The following TNS4 variants were observed in gnomAD, a reference collection of about 807,000 sequenced individuals.
The protein encoded by TNS4 is tensin 4, also known as tensin-4.
In TNS4, 46 loss-of-function variants were observed where a neutral mutation model predicts 70.4. The observed-to-expected ratio is 0.65, with a 90% CI of 0.52 to 0.84. The LOEUF (loss-of-function observed/expected upper bound fraction) is 0.84. Ranked by LOEUF, TNS4 falls within the 40% of genes least tolerant of loss-of-function variation. The pLI, the probability that TNS4 is intolerant of heterozygous loss-of-function variation, is 0.00. For synonymous variants in TNS4, 390 were observed against 366.6 expected (o/e 1.06, Z -0.73); for missense variants, 863 against 907.0 (o/e 0.95, Z 0.62).
chr17:40,486,127 C>T (rs2035986903), intron 4 of TNS4, among the ~76,000 whole-genome samples: 1 of 152,186 alleles, frequency 6.6e-6, no homozygotes, highest in African/African-American at 2.4e-5. Flanking sequence ...CCACAGGGTG[C>T]TAGAGCTTAG....
Position 40,478,260 on chromosome 17 carries a change from T to C in TNS4, c.2006+47A>G, listed in dbSNP as rs377423014. On this transcript the variant is annotated intron_variant, in intron 12 of 12. Coordinates refer to ENST00000254051, the MANE Select transcript of TNS4 (RefSeq NM_032865.6). ...GAATGGTGCCTCTTTCCTTCTGCAGTTCCCTCCCCATGTTGGGTTTGGGGC... is the reference window on the plus strand; with the variant it reads ...GAATGGTGCCTCTTTCCTTCTGCAGCTCCCTCCCCATGTTGGGTTTGGGGC... 5 of 1,612,044 alleles carry C rather than the reference T, an allele frequency of 3.1e-6. No homozygotes were observed. The African/African-American group carries it at 6.7e-5, about 22-fold the overall frequency.
At position 40,488,821 on chromosome 17, in the gene TNS4, G is replaced by C. The variant is rs760681879; in HGVS notation, c.588C>G (p.Ser196Arg). ...CAGAGAAGATGAGGCTCTCACTGCT[G>C]CTTCGTGTCTCTCGGGGGACGTCTC... ...LSRDVPRETR[S>R]SSESLIFSGN... The change falls in exon 3 of 13, where the codon AGC becomes AGG. Residue 196 changes from serine to arginine, a missense_variant. Ser to Arg is a moderately radical substitution (Grantham distance 110, BLOSUM62 -1). Transcript: ENST00000254051. The C allele has an allele frequency of 9.3e-6, 15 of 1,613,442 alleles. 1 individual carries two copies. In the Middle Eastern group the frequency reaches 6.6e-4, roughly 71 times the overall value.
chr17:40,491,656 A>C (rs2036067509), intron 2 of TNS4, among the ~76,000 whole-genome samples: 1 of 150,960 alleles, frequency 6.6e-6, no homozygotes, highest in African/African-American at 2.4e-5. Context: ...TCACTGAGTA[A>C]GGAGAGCGGG....
chr17:40,493,023 C>T (rs749294493), intron 2 of TNS4, among the ~76,000 whole-genome samples: 14 of 151,856 alleles, frequency 9.2e-5, no homozygotes, highest in Admixed American at 2.0e-4. Flanking sequence ...AGAAATTAGC[C>T]GGGCGTGGTG....
At chr17:40,493,805 T>C (rs1019790653) in intron 2 of TNS4, among the ~76,000 whole-genome samples, 1 of 152,216 alleles carries the variant, frequency 6.6e-6, no homozygotes, top group African/African-American at 2.4e-5. Context: ...AAGGGCCTAG[T>C]TGTCACCAAC....
At position 40,482,156 on chromosome 17, in the gene TNS4, G is replaced by GCAGGGC; in HGVS notation, c.1639_1644dup (p.Ala547_Leu548dup). 6.2e-7 allele frequency: 1 copy of GCAGGGC among 1,614,196 alleles called. No homozygotes were observed. The highest frequency in any genetic ancestry group is 8.5e-7 in the Non-Finnish European group (1 of 1,180,034). On this transcript the variant is annotated inframe_insertion, in exon 8 of 13. Coordinates refer to ENST00000254051, the MANE Select transcript of TNS4 (RefSeq NM_032865.6). Reference sequence around the variant, plus strand: ...CTCTGTGGGATGGTGAGTTTGCAGGGCAGGGCCAGGGCCATGATGGAATGC... The same window carrying GCAGGGC: ...CTCTGTGGGATGGTGAGTTTGCAGGGCAGGGCCAGGGCCAGGGCCATGATGGAATGC...
At chr17:40,497,094 A>T (rs1030945043) in intron 1 of TNS4, among the ~76,000 whole-genome samples, 5 of 152,200 alleles carry the variant, frequency 3.3e-5, no homozygotes, top group Non-Finnish European at 7.3e-5. Context: ...GAGCACCTGC[A>T]CTTGGGCCGG....
At chr17:40,494,060 AC>A (rs982260089) in intron 2 of TNS4, among the ~76,000 whole-genome samples, 1 of 152,228 alleles carries the variant, frequency 6.6e-6, no homozygotes, top group Non-Finnish European at 1.5e-5. Context: ...GTGAGAGGGG[AC>A]AGAGCAGGCA....
chr17:40,479,722 T>C lies in TNS4; in HGVS notation c.1862A>G (p.His621Arg), dbSNP rs1288760072. The change falls in exon 10 of 13, where the codon CAC becomes CGC. Residue 621 changes from histidine to arginine, a missense_variant. Physicochemically the swap from His to Arg is conservative, Grantham distance 29 (BLOSUM62 0). Transcript: ENST00000254051. ...RDILPTPTVVHFKVTEQGITL... is the reference protein window; with the variant it reads ...RDILPTPTVVRFKVTEQGITL... ...GATGCCCTGCTCTGTGACTTTGAAG[T>C]GGACCACGGTGGGCGTGGGGAGGAT... is the stretch of plus-strand genomic sequence containing the variant. The C allele has an allele frequency of 1.9e-6, 3 of 1,614,068 alleles. No individual in the cohort carries two copies. The highest frequency in any genetic ancestry group is 1.7e-5 in the Admixed American group (1 of 60,020).
At position 40,484,546 on chromosome 17, in the gene TNS4, C is replaced by T. The variant is rs561285117; in HGVS notation, c.1439G>A (p.Arg480Gln). 14 of 1,612,706 alleles carry T rather than the reference C, an allele frequency of 8.7e-6. No homozygotes were observed. Among genetic ancestry groups the T allele is most frequent in the Admixed American group, 5.0e-5 (3 of 59,994 alleles). Residue 480 changes from arginine (R) to glutamine (Q), a missense_variant, in exon 6 of 13, where the codon CGA (arginine) becomes CAA (glutamine). Transcript: ENST00000254051. ...CTTCAGGGCCAGGCCGAAGGAGCCTCGGTATGAAGAGCTGTCCCTTATGAC... is the reference window on the plus strand; with the variant it reads ...CTTCAGGGCCAGGCCGAAGGAGCCTTGGTATGAAGAGCTGTCCCTTATGAC... Reference protein sequence around the residue: ...AFVIRDSSSYRGSFGLALKVQ... With the variant: ...AFVIRDSSSYQGSFGLALKVQ...
intron 10 of TNS4, 41 bp from the exon 11 acceptor site, chr17:40,478,689 G>C (rs1319540029): frequency 1.9e-6 from 3 of 1,600,778 alleles, no homozygotes; most frequent in Non-Finnish European, 1.7e-6. Flanking sequence ...ATGACAGCCT[G>C]TCCCAGTGTC....
At position 40,482,209 on chromosome 17, in the gene TNS4, G is replaced by A. The variant is rs754413004; in HGVS notation, c.1595-3C>T. On this transcript the variant is annotated splice_polypyrimidine_tract_variant and splice_region_variant and intron_variant, in intron 7 of 12. Transcript: ENST00000254051. Reference sequence around the variant, plus strand: ...GCACACGAAGGCAGAGAGGCTCCCTGAAAGGAAGCAAGCAGCCCTGCATGA... The same window carrying A: ...GCACACGAAGGCAGAGAGGCTCCCTAAAAGGAAGCAAGCAGCCCTGCATGA... 11 of 1,614,092 alleles carry A rather than the reference G, an allele frequency of 6.8e-6. No homozygotes were observed. In the African/African-American group the frequency reaches 1.5e-4, roughly 22 times the overall value.
intron 6 of TNS4, among the ~76,000 whole-genome samples, chr17:40,482,635 C>T (rs961401412): frequency 2.6e-5 from 4 of 151,632 alleles, no homozygotes; most frequent in Non-Finnish European, 4.4e-5. Flanking sequence ...CACACAAAGC[C>T]GGGCGTGGTT....
chr17:40,489,520 C>T (rs2036038516), intron 2 of TNS4, among the ~76,000 whole-genome samples: 1 of 152,116 alleles, frequency 6.6e-6, no homozygotes, highest in Non-Finnish European at 1.5e-5. Context: ...AAAGTGGTTT[C>T]TCTGAGGCTG....
In TNS4 at chr17:40,487,236, G is replaced by T; in HGVS notation, c.1088C>A (p.Pro363Gln). Residue 363 changes from proline (P) to glutamine (Q), a missense_variant, in exon 4 of 13, where the codon CCA becomes CAA. Coordinates refer to ENST00000254051, the MANE Select transcript of TNS4 (RefSeq NM_032865.6). ...GTCCACCATGGAGTTGGTGATGGATGGGGGGCAGCTGCTGGCATGTTCTTT... is the reference window on the plus strand; with the variant it reads ...GTCCACCATGGAGTTGGTGATGGATTGGGGGCAGCTGCTGGCATGTTCTTT... Reference protein sequence around the residue: ...LAKEHASSCPPSITNSMVDIP... With the variant: ...LAKEHASSCPQSITNSMVDIP... 2 of 1,614,186 alleles carry T rather than the reference G, an allele frequency of 1.2e-6. No individual in the cohort carries two copies. Among genetic ancestry groups the T allele is most frequent in the East Asian group, 2.2e-5 (1 of 44,884 alleles).
chr17:40,489,543 C>T (rs147274715), intron 2 of TNS4, among the ~76,000 whole-genome samples: 3,132 of 152,154 alleles, frequency 0.021, 42 homozygotes, highest in Middle Eastern at 0.086. Context: ...CGCGGTGGCT[C>T]ACACCTGGAA....
At chr17:40,491,126 T>C (rs904388221) in intron 2 of TNS4, among the ~76,000 whole-genome samples, 1 of 152,194 alleles carries the variant, frequency 6.6e-6, no homozygotes, top group Non-Finnish European at 1.5e-5. Context: ...TCAATTTTTA[T>C]AGGACTTTAT....
chr17:40,487,628 C>A (rs149616283), intron 3 of TNS4, among the ~76,000 whole-genome samples, 168 bp from the exon 4 acceptor site: 2 of 152,308 alleles, frequency 1.3e-5, no homozygotes, highest in African/African-American at 4.8e-5. Flanking sequence ...ACCTAATCCT[C>A]AAGGGATGGT....
intron 1 of TNS4, among the ~76,000 whole-genome samples, chr17:40,499,441 G>T (rs113969968): frequency 0.027 from 4,056 of 152,278 alleles, 180 homozygotes; most frequent in African/African-American, 0.092. Context: ...AGTTTTGTCT[G>T]CGGCTCGTCC....
Sources: allele counts gnomAD v4.1 joint callset (sites outside exome capture counted in the v4.1 genomes callset), GRCh38; gene constraint gnomAD v4.1.1; transcripts MANE v1.5; gene names NCBI Gene and HGNC (gene_info 2026-07-23, HGNC 2026-07-21).